CSMD1: variants seen among roughly 807,000 people sequenced by gnomAD.
The protein encoded by CSMD1 is CUB and Sushi multiple domains 1, also known as CUB and sushi domain-containing protein 1.
Under a neutral mutation model 417.5 loss-of-function variants are expected in CSMD1, and 213 were observed. The observed-to-expected ratio is 0.51, with a 90% CI of 0.46 to 0.57. CSMD1 has a LOEUF of 0.57. Among genes scored for constraint, CSMD1 ranks in the 20% least tolerant of loss-of-function variants. CSMD1 has a pLI of 0.00. For missense variants in CSMD1, 6,923 were observed against 4,529.7 expected (o/e 1.53, Z -15.17); for synonymous variants, 2,862 against 1,736.8 (o/e 1.65, Z -16.11).
intron 3 of CSMD1, among the ~76,000 whole-genome samples, chr8:4,318,377 G>T (rs933120530): frequency 1.3e-5 from 2 of 151,830 alleles, no homozygotes; most frequent in Non-Finnish European, 2.9e-5. Flanking sequence ...GCACACTCTC[G>T]TACACATCTC....
intron 1 of CSMD1, among the ~76,000 whole-genome samples, chr8:4,780,692 G>A (rs1189151827): frequency 6.6e-6 from 1 of 152,128 alleles, no homozygotes; most frequent in East Asian, 1.9e-4. Context: ...ACTGCACCAT[G>A]TATGTTGTCT....
At chr8:3,285,140 C>T (rs540716129) in intron 25 of CSMD1, among the ~76,000 whole-genome samples, 30 of 152,176 alleles carry the variant, frequency 2.0e-4, no homozygotes, top group African/African-American at 6.3e-4. Flanking sequence ...TTATTTCCTG[C>T]GTATTGCACA....
chr8:4,516,347 T>C (rs573230449), intron 2 of CSMD1, among the ~76,000 whole-genome samples: 44 of 152,222 alleles, frequency 2.9e-4, no homozygotes, highest in Middle Eastern at 3.4e-3. Flanking sequence ...AGATTTCTGT[T>C]CTTTAAGGCA....
At chr8:3,193,302 T>A (rs1017806811) in intron 33 of CSMD1, among the ~76,000 whole-genome samples, 7 of 152,130 alleles carry the variant, frequency 4.6e-5, no homozygotes, top group Admixed American at 4.6e-4. Flanking sequence ...AAAATGACAA[T>A]AAATGAATAA....
chr8:3,223,626 T>C (rs1201243846), intron 28 of CSMD1, 103 bp downstream of exon 28: 14 of 1,181,184 alleles, frequency 1.2e-5, no homozygotes, highest in Non-Finnish European at 1.7e-5. Flanking sequence ...ATCTAGCACT[T>C]ACCTAGATAT....
chr8:3,827,825 G>A (rs781641905), intron 5 of CSMD1, among the ~76,000 whole-genome samples: 10 of 152,048 alleles, frequency 6.6e-5, no homozygotes, highest in Non-Finnish European at 1.0e-4. Context: ...TGTAAAAGTC[G>A]GTCCACTAAT....
chr8:3,636,341 C>G (rs1464190144), intron 7 of CSMD1, among the ~76,000 whole-genome samples: 1 of 152,150 alleles, frequency 6.6e-6, no homozygotes, highest in African/African-American at 2.4e-5. Flanking sequence ...CCACGCCTGG[C>G]TAATTTTTGG....
intron 26 of CSMD1, among the ~76,000 whole-genome samples, chr8:3,240,890 A>C (rs1167046886): frequency 6.6e-6 from 1 of 152,110 alleles, no homozygotes; most frequent in African/African-American, 2.4e-5. Flanking sequence ...ATAGGCTTTA[A>C]GAGGTCATGC....
intron 2 of CSMD1, among the ~76,000 whole-genome samples, chr8:4,554,692 A>G (rs546046836): frequency 6.6e-5 from 10 of 152,332 alleles, no homozygotes; most frequent in African/African-American, 2.2e-4. Context: ...GAATCATCAT[A>G]AATACCTAAA....
At chr8:4,881,047 T>C (rs1270051900) in intron 1 of CSMD1, among the ~76,000 whole-genome samples, 4 of 151,998 alleles carry the variant, frequency 2.6e-5, no homozygotes, top group African/African-American at 7.3e-5. Flanking sequence ...CAGGGCTCAG[T>C]TCCCAACTCT....
At chr8:4,932,564 C>A (rs901984299) in intron 1 of CSMD1, among the ~76,000 whole-genome samples, 1 of 152,136 alleles carries the variant, frequency 6.6e-6, no homozygotes, top group African/African-American at 2.4e-5. Flanking sequence ...GACGTGTGCT[C>A]TTGTCTTAGA....
chr8:3,796,522 T>G (rs1056333919), intron 5 of CSMD1, among the ~76,000 whole-genome samples: 1 of 144,614 alleles, frequency 6.9e-6, no homozygotes, highest in East Asian at 2.0e-4. Flanking sequence ...TCTATATATC[T>G]ATATCTAAGA....
chr8:3,824,597 C>A (rs1801942512), intron 5 of CSMD1, among the ~76,000 whole-genome samples: 1 of 152,180 alleles, frequency 6.6e-6, no homozygotes, highest in Non-Finnish European at 1.5e-5. Context: ...ACAGGAAAAA[C>A]ATACGGTAAG....
chr8:3,906,664 C>T (rs1433934766), intron 5 of CSMD1, among the ~76,000 whole-genome samples: 2 of 150,474 alleles, frequency 1.3e-5, no homozygotes, highest in Admixed American at 1.3e-4. Flanking sequence ...ACACCTTGCA[C>T]AGCAGAGAGA....
At chr8:3,154,616 G>C (rs931027236) in intron 39 of CSMD1, among the ~76,000 whole-genome samples, 3 of 152,158 alleles carry the variant, frequency 2.0e-5, no homozygotes, top group Non-Finnish European at 4.4e-5. Context: ...CTGCGGTGCA[G>C]TGAGACAGGG....
chr8:3,850,102 A>G (rs1348580133), intron 5 of CSMD1, among the ~76,000 whole-genome samples: 6 of 152,208 alleles, frequency 3.9e-5, no homozygotes, highest in African/African-American at 9.6e-5. Context: ...AGCAAAGAGT[A>G]TATCTTTTTG....
intron 42 of CSMD1, among the ~76,000 whole-genome samples, chr8:3,114,707 TTTATAG>T (rs1431441504): frequency 6.6e-6 from 1 of 152,226 alleles, no homozygotes; most frequent in African/African-American, 2.4e-5. Context: ...AGTTGCATTC[TTTATAG>T]TTATTTTTAT....
intron 25 of CSMD1, among the ~76,000 whole-genome samples, chr8:3,285,331 A>T (rs888629574): frequency 7.2e-5 from 11 of 152,120 alleles, no homozygotes; most frequent in African/African-American, 2.7e-4. Context: ...ATATAGAGAA[A>T]AGTATAGCAG....
intron 2 of CSMD1, among the ~76,000 whole-genome samples, chr8:4,583,058 C>T (rs1799507922): frequency 1.3e-5 from 2 of 152,232 alleles, no homozygotes; most frequent in East Asian, 1.9e-4. Context: ...CGTTAGCTGC[C>T]TTCCCGCGGG....
Sources: gnomAD v4.1 joint callset for allele counts (sites outside exome capture counted in the v4.1 genomes callset) on GRCh38, gnomAD v4.1.1 for gene constraint, MANE v1.5 for transcripts, NCBI Gene and HGNC (gene_info 2026-07-23, HGNC 2026-07-21) for gene names.